Variants in CNGB3 observed in about 807,000 individuals in gnomAD.
The protein encoded by CNGB3 is cyclic nucleotide gated channel subunit beta 3.
Under a neutral mutation model 92.8 loss-of-function variants are expected in CNGB3, and 86 were observed. The ratio of observed to expected loss-of-function variants is 0.93; its 90% CI spans 0.78 to 1.11. CNGB3 has a LOEUF of 1.11. CNGB3 is among the 50% of genes least tolerant of loss of function. The pLI, the probability that CNGB3 is intolerant of heterozygous loss-of-function variation, is 0.00. For missense variants in CNGB3, 1,026 were observed against 956.8 expected (o/e 1.07, Z -0.95); for synonymous variants, 333 against 332.7 (o/e 1.00, Z -0.01).
intron 6 of CNGB3, chr8:86,659,533 C>G (rs1442049470): frequency 1.7e-6 from 1 of 595,800 alleles, no homozygotes; most frequent in African/African-American, 1.9e-5. Flanking sequence ...GAGGGCATCT[C>G]TCTCCTTGGT....
chr8:86,726,683 AG>A (rs1825066830), intron 2 of CNGB3, 26 bp from the exon 3 acceptor site: 1 of 1,612,730 alleles, frequency 6.2e-7, no homozygotes, highest in Admixed American at 1.7e-5. Context: ...TCACATAGAT[AG>A]AAGAATGTAC....
At chr8:86,610,522 T>C (rs1195985396) in intron 14 of CNGB3, among the ~76,000 whole-genome samples, 3 of 151,418 alleles carry the variant, frequency 2.0e-5, no homozygotes, top group African/African-American at 7.4e-5. Context: ...CTAGGAAATC[T>C]TACCGTAACC....
chr8:86,631,180 G>A (rs184248105), intron 11 of CNGB3, among the ~76,000 whole-genome samples: 1 of 152,256 alleles, frequency 6.6e-6, no homozygotes, highest in East Asian at 1.9e-4. Context: ...AAACATTCGT[G>A]TGTGTATGAA....
At chr8:86,625,594 A>G (rs1280302610) in intron 13 of CNGB3, among the ~76,000 whole-genome samples, 1 of 152,184 alleles carries the variant, frequency 6.6e-6, no homozygotes, top group East Asian at 1.9e-4. Context: ...GATTAGGTAT[A>G]ATTCTCTGAT....
intron 3 of CNGB3, among the ~76,000 whole-genome samples, chr8:86,673,103 C>A (rs1053245343): frequency 9.2e-5 from 14 of 152,162 alleles, no homozygotes; most frequent in African/African-American, 3.1e-4. Context: ...ACTTTATGTA[C>A]TGCAAATAGA....
chr8:86,699,907 C>T (rs1247917682), intron 3 of CNGB3, among the ~76,000 whole-genome samples: 1 of 151,528 alleles, frequency 6.6e-6, no homozygotes, highest in Non-Finnish European at 1.5e-5. Flanking sequence ...TTTTTTTCTC[C>T]TTCCCATCCT....
chr8:86,699,177 G>T (rs1407543795), intron 3 of CNGB3, among the ~76,000 whole-genome samples: 1 of 152,102 alleles, frequency 6.6e-6, no homozygotes, highest in East Asian at 1.9e-4. Flanking sequence ...ATGTTTTCAA[G>T]ATCCTTACAA....
At chr8:86,581,602 C>G (rs928022650) in intron 15 of CNGB3, among the ~76,000 whole-genome samples, 5 of 152,098 alleles carry the variant, frequency 3.3e-5, no homozygotes, top group Non-Finnish European at 5.9e-5. Flanking sequence ...CAATGCAGCC[C>G]CTTTAAGACT....
At chr8:86,655,317 C>A (rs998912947) in intron 6 of CNGB3, among the ~76,000 whole-genome samples, 1 of 152,114 alleles carries the variant, frequency 6.6e-6, no homozygotes, top group African/African-American at 2.4e-5. Flanking sequence ...TCCTGCAACT[C>A]CACATGATTT....
chr8:86,613,652 C>A (rs2131568199), intron 13 of CNGB3, among the ~76,000 whole-genome samples: 1 of 152,056 alleles, frequency 6.6e-6, no homozygotes, highest in South Asian at 2.1e-4. Flanking sequence ...TCTCAAAAGA[C>A]CCACTTATAT....
At chr8:86,728,261 G>A (rs1825097426) in intron 2 of CNGB3, among the ~76,000 whole-genome samples, 1 of 152,096 alleles carries the variant, frequency 6.6e-6, no homozygotes, top group Non-Finnish European at 1.5e-5. Context: ...ATTATGTTTA[G>A]GTGAAATATT....
chr8:86,650,906 C>A (rs1401030331), intron 7 of CNGB3, among the ~76,000 whole-genome samples: 1 of 151,746 alleles, frequency 6.6e-6, no homozygotes, highest in East Asian at 1.9e-4. Context: ...AAATATGGAA[C>A]TAACCTAAGT....
intron 15 of CNGB3, among the ~76,000 whole-genome samples, chr8:86,590,632 G>C (rs1822007398): frequency 5.3e-5 from 8 of 151,578 alleles, no homozygotes; most frequent in Admixed American, 5.3e-4. Context: ...ATTCTTGGTT[G>C]AAAATTCTTT....
intron 6 of CNGB3, among the ~76,000 whole-genome samples, chr8:86,655,312 C>T (rs1389879690): frequency 6.6e-6 from 1 of 152,152 alleles, no homozygotes; most frequent in Non-Finnish European, 1.5e-5. Context: ...TCAAATCCTG[C>T]AACTCCACAT....
At chr8:86,689,064 G>A (rs1824246926) in intron 3 of CNGB3, among the ~76,000 whole-genome samples, 1 of 149,318 alleles carries the variant, frequency 6.7e-6, no homozygotes, top group Non-Finnish European at 1.5e-5. Flanking sequence ...GGAGCATTTT[G>A]TTTAATTTCC....
Position 86,668,156 on chromosome 8 carries a change from G to GC in CNGB3, c.505dup (p.Ala169GlyfsTer10). 6.2e-7 allele frequency: 1 copy of GC among 1,612,898 alleles called. No individual in the cohort carries two copies. The highest frequency in any genetic ancestry group is 8.5e-7 in the Non-Finnish European group (1 of 1,179,768). ...ATCGCTTTCTTTTACTGGTGGTACA[G>GC]CCGTGGGCTTTGCTTCATAGGGAAA... is the stretch of plus-strand genomic sequence containing the variant. On this transcript the variant is annotated frameshift_variant, in exon 5 of 18. Coordinates refer to ENST00000320005, the MANE Select transcript of CNGB3 (RefSeq NM_019098.5). LOFTEE classifies it high-confidence loss of function.
At chr8:86,579,315 A>T (rs1293427041) in intron 15 of CNGB3, 63 bp from the exon 16 acceptor site, 15 of 1,567,524 alleles carry the variant, frequency 9.6e-6, no homozygotes, top group Middle Eastern at 1.7e-4. Flanking sequence ...AAATCTCTTT[A>T]AAAAAATAGC....
chr8:86,704,228 G>A (rs1157224301), intron 3 of CNGB3: 2 of 152,216 alleles, frequency 1.3e-5, no homozygotes, highest in African/African-American at 2.4e-5. Flanking sequence ...ATTTACTATT[G>A]CCTAAGTGGA....
intron 13 of CNGB3, 68 bp downstream of exon 13, chr8:86,625,915 G>A (rs561031192): frequency 2.9e-5 from 37 of 1,284,526 alleles, no homozygotes; most frequent in South Asian, 2.1e-4. Flanking sequence ...CATAAATGCT[G>A]TATAAATCAA....
Sources: gnomAD v4.1 joint callset for allele counts (sites outside exome capture counted in the v4.1 genomes callset) on GRCh38, gnomAD v4.1.1 for gene constraint, MANE v1.5 for transcripts, NCBI Gene and HGNC (gene_info 2026-07-23, HGNC 2026-07-21) for gene names.